UGT1A8: variants seen among roughly 807,000 people sequenced by gnomAD.
UGT1A8 encodes the protein UDP glucuronosyltransferase family 1 member A8.
UGT1A8 carries 39 observed loss-of-function variants against 45.3 expected under a neutral mutation model. The ratio of observed to expected loss-of-function variants is 0.86; its 90% CI spans 0.67 to 1.12. The LOEUF (loss-of-function observed/expected upper bound fraction) is 1.12. UGT1A8 is among the 50% of genes most tolerant of loss of function. The probability of loss-of-function intolerance (pLI) is 0.00; values close to 1 mark genes in which losing one functional copy is unlikely to be tolerated. For synonymous variants in UGT1A8, 275 were observed against 249.2 expected (o/e 1.10, Z -0.97); for missense variants, 719 against 664.9 (o/e 1.08, Z -0.90).
chr2:233,692,797 C>G (rs925616937), intron 1 of UGT1A8: 2 of 1,378,304 alleles, frequency 1.5e-6, no homozygotes, highest in African/African-American at 1.5e-5. Flanking sequence ...AAAGCTGACA[C>G]GGCCATAGTT....
chr2:233,707,932 T>C (rs1354532365), intron 1 of UGT1A8, among the ~76,000 whole-genome samples: 6 of 152,256 alleles, frequency 3.9e-5, no homozygotes, highest in Non-Finnish European at 1.5e-5. Flanking sequence ...AATATACTTA[T>C]CAGTCATTTG....
intron 1 of UGT1A8, among the ~76,000 whole-genome samples, chr2:233,645,926 A>G (rs762495359): frequency 3.9e-5 from 6 of 152,212 alleles, no homozygotes; most frequent in Non-Finnish European, 8.8e-5. Context: ...CTTCAACCCC[A>G]AATTTCCCTT....
chr2:233,678,379 G>A (rs1408396387), intron 1 of UGT1A8, among the ~76,000 whole-genome samples: 4 of 152,118 alleles, frequency 2.6e-5, no homozygotes, highest in East Asian at 1.9e-4. Context: ...CCATTGAGTG[G>A]GCTGTGGAGG....
chr2:233,702,928 C>A (rs2075715316), intron 1 of UGT1A8, among the ~76,000 whole-genome samples: 1 of 152,064 alleles, frequency 6.6e-6, no homozygotes, highest in Admixed American at 6.5e-5. Flanking sequence ...TCTTGCGGAG[C>A]CTTGGTCTGT....
chr2:233,618,447 A>G lies in UGT1A8; in HGVS notation c.740A>G (p.His247Arg). ...GTCACAGCATATGATCTCTACAGCCACACATCAATTTGGTTGTTGCGAACA... is the reference window on the plus strand; with the variant it reads ...GTCACAGCATATGATCTCTACAGCCGCACATCAATTTGGTTGTTGCGAACA... ...TPVTAYDLYS[H>R]TSIWLLRTDF... The change falls in exon 1 of 5, where the codon CAC becomes CGC. Residue 247 changes from histidine (H) to arginine (R), a missense_variant. Transcript: ENST00000373450. 2.5e-6 allele frequency: 4 copies of G among 1,613,916 alleles called. No individual in the cohort carries two copies. The highest frequency in any genetic ancestry group is 2.2e-5 in the South Asian group (2 of 91,068).
intron 3 of UGT1A8, 123 bp downstream of exon 3, chr2:233,768,059 T>G: frequency 3.1e-6 from 5 of 1,601,374 alleles, no homozygotes; most frequent in Non-Finnish European, 4.3e-6. Flanking sequence ...CCTACATTGC[T>G]TTTTATCTAG....
Position 233,771,783 on chromosome 2 carries a change from TCTCC to T in UGT1A8, c.1296-460_1296-457del, listed in dbSNP as rs562104634. ...TCCTCCGTCCCTCTCTCCTTTCCTC[TCTCC>T]CTCCCTCCCTCCCTCCCTTCCTCCT... On this transcript the variant is annotated intron_variant, in intron 4 of 4. Coordinates refer to ENST00000373450, the MANE Select transcript of UGT1A8 (RefSeq NM_019076.5). Among the ~76,000 whole-genome samples, 597 of 151,668 alleles carry T rather than the reference TCTCC, an allele frequency of 3.9e-3. 3 individuals carry two copies. The Middle Eastern group carries it at 0.041, about 10-fold the overall frequency.
Position 233,665,802 on chromosome 2 carries a change from A to G in UGT1A8, c.855+47240A>G, listed in dbSNP as rs570530832. 4.6e-5 allele frequency among the ~76,000 whole-genome samples: 7 copies of G among 152,332 alleles called. No individual in the cohort carries two copies. The South Asian group carries it at 1.0e-3, about 23-fold the overall frequency. ...TTTTATTCTTATGGATAAATACCCA[A>G]CAGTGGAGTAGTTGTGATCTATGGT... On this transcript the variant is annotated intron_variant, in intron 1 of 4. Transcript: ENST00000373450.
At chr2:233,713,833 G>A in intron 1 of UGT1A8, 11 of 1,614,060 alleles carry the variant, frequency 6.8e-6, no homozygotes, top group Non-Finnish European at 9.3e-6. Context: ...GGCATCAACT[G>A]TGCCAACGGG....
chr2:233,734,814 T>C (rs1435677424), intron 1 of UGT1A8, among the ~76,000 whole-genome samples: 1 of 152,246 alleles, frequency 6.6e-6, no homozygotes, highest in East Asian at 1.9e-4. Flanking sequence ...TTCCATGTAG[T>C]TGTGCGATTT....
chr2:233,649,646 A>G (rs2125474572), intron 1 of UGT1A8, among the ~76,000 whole-genome samples: 1 of 152,346 alleles, frequency 6.6e-6, no homozygotes, highest in East Asian at 1.9e-4. Context: ...TAATTGCATA[A>G]AAGTCTTTAC....
At chr2:233,761,667 C>T (rs1186419843) in intron 1 of UGT1A8, among the ~76,000 whole-genome samples, 1 of 152,258 alleles carries the variant, frequency 6.6e-6, no homozygotes, top group African/African-American at 2.4e-5. Flanking sequence ...AATCACCAGA[C>T]AGTCAGGTTC....
intron 1 of UGT1A8, chr2:233,748,212 G>A (rs1693895532): frequency 2.0e-6 from 3 of 1,495,994 alleles, no homozygotes; most frequent in Non-Finnish European, 2.7e-6. Flanking sequence ...ATAGCCTTCA[G>A]TGAGATAAAC....
chr2:233,712,951 A>C, intron 1 of UGT1A8: 1 of 1,612,798 alleles, frequency 6.2e-7, no homozygotes, highest in Middle Eastern at 2.0e-4. Flanking sequence ...TAGGAGGCAC[A>C]ACGTGGGGTG....
intron 1 of UGT1A8, among the ~76,000 whole-genome samples, chr2:233,628,133 A>G (rs986815393): frequency 6.6e-6 from 1 of 152,024 alleles, no homozygotes; most frequent in African/African-American, 2.4e-5. Flanking sequence ...ATATGTTTGT[A>G]TTTCTTTCCT....
intron 1 of UGT1A8, among the ~76,000 whole-genome samples, chr2:233,680,859 A>G (rs1194206807): frequency 6.6e-6 from 1 of 152,102 alleles, no homozygotes; most frequent in Non-Finnish European, 1.5e-5. Flanking sequence ...ACAGCTCATT[A>G]GAGTGCTTGG....
intron 1 of UGT1A8, among the ~76,000 whole-genome samples, chr2:233,674,829 T>C (rs995039373): frequency 3.9e-5 from 6 of 152,190 alleles, no homozygotes; most frequent in Admixed American, 3.9e-4. Flanking sequence ...GCAAAGAGCC[T>C]TGGATATGGC....
rs927905587 is a variant in UGT1A8 at position 233,772,883 on chromosome 2, C to G, written c.*324C>G. The G allele has an allele frequency of 7.2e-6, 4 of 557,122 alleles. No homozygotes were observed. Among genetic ancestry groups the G allele is most frequent in the Admixed American group, 7.5e-5 (2 of 26,828 alleles). 34.5% of individuals were successfully genotyped at this position (557,122 alleles called of 1,614,324 possible). Reference sequence around the variant, plus strand: ...ATGGCCTGTTTGGGAGTGCGGGATTCAAAGGTGGTCCCACGGCTGCCCCTA... The same window carrying G: ...ATGGCCTGTTTGGGAGTGCGGGATTGAAAGGTGGTCCCACGGCTGCCCCTA... On this transcript the variant is annotated 3_prime_UTR_variant, in exon 5 of 5. Transcript: ENST00000373450.
intron 1 of UGT1A8, among the ~76,000 whole-genome samples, chr2:233,748,824 G>A (rs1694036500): frequency 6.6e-6 from 1 of 151,412 alleles, no homozygotes. Context: ...GAAGGGTCTA[G>A]GGAGGAGATA....
Sources: gnomAD v4.1 joint callset for allele counts (sites outside exome capture counted in the v4.1 genomes callset) on GRCh38, gnomAD v4.1.1 for gene constraint, MANE v1.5 for transcripts, NCBI Gene and HGNC (gene_info 2026-07-23, HGNC 2026-07-21) for gene names.